The following SAMD5 variants were observed in gnomAD, a reference collection of about 807,000 sequenced individuals.
The protein encoded by SAMD5 is sterile alpha motif domain containing 5, also known as sterile alpha motif domain-containing protein 5.
In SAMD5, 13 loss-of-function variants were observed where a neutral mutation model predicts 11.3. The ratio of observed to expected loss-of-function variants is 1.15; its 90% CI spans 0.75 to 1.83. The LOEUF (loss-of-function observed/expected upper bound fraction) is 1.83, where lower values mean the gene tolerates loss of function less well. Among genes scored for constraint, SAMD5 ranks in the 40% most tolerant of loss-of-function variants. The pLI is 0.00. For synonymous variants in SAMD5, 129 were observed against 111.3 expected (o/e 1.16, Z -1.00); for missense variants, 255 against 239.1 (o/e 1.07, Z -0.44).
At chr6:147,708,943 T>C (rs1313224088) in intron 1 of SAMD5, among the ~76,000 whole-genome samples, 1 of 152,208 alleles carries the variant, frequency 6.6e-6, no homozygotes, top group African/African-American at 2.4e-5. Flanking sequence ...GGCAAAGAAA[T>C]AGTGCAAGCC....
intron 1 of SAMD5, among the ~76,000 whole-genome samples, chr6:147,633,813 T>C (rs974317110): frequency 3.3e-5 from 5 of 152,114 alleles, no homozygotes; most frequent in African/African-American, 1.2e-4. Flanking sequence ...TTTTTTCCTT[T>C]GTTTTACTGA....
intron 1 of SAMD5, among the ~76,000 whole-genome samples, chr6:147,579,510 G>A (rs1456547509): frequency 2.2e-5 from 3 of 136,718 alleles, no homozygotes; most frequent in African/African-American, 8.4e-5. Context: ...CTGCAGTGCA[G>A]GCTAAAGTGC....
At chr6:147,643,792 GGAAA>G (rs1229098658) in intron 1 of SAMD5, among the ~76,000 whole-genome samples, 8 of 141,270 alleles carry the variant, frequency 5.7e-5, no homozygotes, top group Non-Finnish European at 1.1e-4. Context: ...AAGGAAGGAA[GGAAA>G]GAGAGAGAGA....
intron 1 of SAMD5, among the ~76,000 whole-genome samples, chr6:147,616,129 C>T (rs1167979690): frequency 7.3e-6 from 1 of 136,612 alleles, no homozygotes; most frequent in Non-Finnish European, 1.6e-5. Flanking sequence ...ATGATTATTT[C>T]ATTATATATT....
At chr6:147,625,887 T>G (rs940825389) in intron 1 of SAMD5, among the ~76,000 whole-genome samples, 49 of 152,284 alleles carry the variant, frequency 3.2e-4, no homozygotes, top group African/African-American at 1.2e-3. Context: ...AACCCCACTT[T>G]GGTTCCAGGC....
chr6:147,622,542 T>C (rs1789986277), intron 1 of SAMD5, among the ~76,000 whole-genome samples: 4 of 152,134 alleles, frequency 2.6e-5, no homozygotes, highest in Non-Finnish European at 5.9e-5. Context: ...GAATATCTTC[T>C]AGAAGCCAAG....
Position 147,569,034 on chromosome 6 carries a change from C to T in SAMD5, c.*4578C>T, listed in dbSNP as rs946893443. 2 of 233,754 alleles carry T rather than the reference C, an allele frequency of 8.6e-6. No homozygotes were observed. Among genetic ancestry groups the T allele is most frequent in the African/African-American group, 4.7e-5 (2 of 42,846 alleles). 14.5% of individuals were successfully genotyped at this position (233,754 alleles called of 1,614,324 possible). On this transcript the variant is annotated 3_prime_UTR_variant, in exon 2 of 2. Transcript: ENST00000367474. Reference sequence around the variant, plus strand: ...TTGAGGTCAGGAGTTTGAGACCAGCCTGGCCAACATGGTGAAACCCTGTGT... The same window carrying T: ...TTGAGGTCAGGAGTTTGAGACCAGCTTGGCCAACATGGTGAAACCCTGTGT...
At chr6:147,793,537 A>G in the SAMD5 span, among the ~76,000 whole-genome samples, 69 of 152,358 alleles carry the variant, frequency 4.5e-4, no homozygotes, top group Non-Finnish European at 8.4e-4. Flanking sequence ...TTAAATACAC[A>G]TATAGCCAGT....
At chr6:147,802,951 TG>T in the SAMD5 span, among the ~76,000 whole-genome samples, 1 of 152,368 alleles carries the variant, frequency 6.6e-6, no homozygotes, top group Non-Finnish European at 1.5e-5. Flanking sequence ...ATGTGTTGAC[TG>T]GTTGTGTATC....
At chr6:147,692,976 C>T (rs773782039) in intron 1 of SAMD5, among the ~76,000 whole-genome samples, 7 of 152,180 alleles carry the variant, frequency 4.6e-5, no homozygotes, top group South Asian at 2.1e-4. Flanking sequence ...CAGAAAAACC[C>T]GTCACCACTT....
At chr6:147,539,897 A>G (rs900090830) in intron 1 of SAMD5, among the ~76,000 whole-genome samples, 3 of 152,138 alleles carry the variant, frequency 2.0e-5, no homozygotes, top group African/African-American at 7.2e-5. Flanking sequence ...TTATTACCCA[A>G]CTTTAGCCAC....
chr6:147,579,454 ATTTTTTTTTTTTT>A (rs3031353), intron 1 of SAMD5, among the ~76,000 whole-genome samples: 1 of 76,918 alleles, frequency 1.3e-5, no homozygotes. Context: ...CAGGCTTTGA[ATTTTTTTTTTTTT>A]TTTTTTTTTT....
At chr6:147,898,613 A>G in the SAMD5 span, among the ~76,000 whole-genome samples, 5 of 152,230 alleles carry the variant, frequency 3.3e-5, no homozygotes, top group African/African-American at 7.2e-5. Flanking sequence ...CTCAGGAAAT[A>G]TTATCTCCAA....
the SAMD5 span, among the ~76,000 whole-genome samples, chr6:147,886,990 T>G: frequency 6.6e-6 from 1 of 152,214 alleles, no homozygotes; most frequent in Non-Finnish European, 1.5e-5. Context: ...TTGCAGCTAG[T>G]GGATCTTGAT....
the SAMD5 span, among the ~76,000 whole-genome samples, chr6:147,863,089 A>G: frequency 0.019 from 2,918 of 152,260 alleles, 101 homozygotes; most frequent in African/African-American, 0.066. Flanking sequence ...AATTGATCTT[A>G]TTTACAAGGA....
the SAMD5 span, among the ~76,000 whole-genome samples, chr6:147,826,535 C>T: frequency 1.3e-5 from 2 of 152,294 alleles, no homozygotes; most frequent in Middle Eastern, 6.8e-3. Context: ...TACTTTACTC[C>T]TCCGAAGATC....
At chr6:147,812,966 G>T in the SAMD5 span, among the ~76,000 whole-genome samples, 2 of 152,152 alleles carry the variant, frequency 1.3e-5, no homozygotes, top group Non-Finnish European at 2.9e-5. Flanking sequence ...CACTGATAAT[G>T]GTGACAGAAC....
intron 1 of SAMD5, among the ~76,000 whole-genome samples, chr6:147,610,300 T>C (rs889763006): frequency 6.6e-6 from 1 of 152,140 alleles, no homozygotes; most frequent in Admixed American, 6.5e-5. Flanking sequence ...ACCCCATTGA[T>C]GTAAAAAATA....
chr6:147,584,521 C>A (rs997017242), intron 1 of SAMD5, among the ~76,000 whole-genome samples: 1 of 152,182 alleles, frequency 6.6e-6, no homozygotes, highest in African/African-American at 2.4e-5. Context: ...AAGGCCTGGA[C>A]TAGCCAGGGC....
Sources: allele counts gnomAD v4.1 joint callset (sites outside exome capture counted in the v4.1 genomes callset), GRCh38; gene constraint gnomAD v4.1.1; transcripts MANE v1.5; gene names NCBI Gene and HGNC (gene_info 2026-07-23, HGNC 2026-07-21).